Variants in STK10 observed in about 807,000 individuals in gnomAD.
The protein encoded by STK10 is serine/threonine kinase 10, also known as serine/threonine-protein kinase 10.
STK10 carries 78 observed loss-of-function variants against 113.8 expected under a neutral mutation model. The ratio of observed to expected loss-of-function variants is 0.69; its 90% confidence interval spans 0.57 to 0.83. The LOEUF is 0.83. Among genes scored for constraint, STK10 ranks in the 40% least tolerant of loss-of-function variants. The pLI is 0.00. For synonymous variants in STK10, 465 were observed against 494.7 expected, an observed-to-expected ratio of 0.94 and a Z score of 0.80; for missense variants, 1,109 against 1,280.1, an observed-to-expected ratio of 0.87 and a Z score of 2.04.
chr5:172,050,432 T>TTATA lies in STK10; in HGVS notation c.2766+2493_2766+2496dup, dbSNP rs567866539. On this transcript the variant is annotated intron_variant, in intron 18 of 18. Coordinates refer to ENST00000176763, the MANE Select transcript of STK10 (RefSeq NM_005990.4). Reference sequence around the variant, plus strand: ...TCACAACTGGGCATGGTGGCATGTGTTATAGTTCCAGCTACTTGGGAGGCT... The same window carrying TTATA: ...TCACAACTGGGCATGGTGGCATGTGTTATATATAGTTCCAGCTACTTGGGAGGCT... 1.7e-3 allele frequency among the ~76,000 whole-genome samples: 266 copies of TTATA among 152,270 alleles called. 1 individual carries two copies. Among genetic ancestry groups the TTATA allele is most frequent in the African/African-American group, 6.2e-3 (256 of 41,556 alleles).
At chr5:172,097,729 A>G (rs1463261037) in intron 7 of STK10, among the ~76,000 whole-genome samples, 3 of 152,128 alleles carry the variant, frequency 2.0e-5, no homozygotes, top group Non-Finnish European at 4.4e-5. Flanking sequence ...ATTCTCGTAT[A>G]TGTCTTTGGG....
At chr5:172,170,045 T>C (rs966132347) in intron 1 of STK10, among the ~76,000 whole-genome samples, 2 of 152,148 alleles carry the variant, frequency 1.3e-5, no homozygotes, top group African/African-American at 4.8e-5. Context: ...TTTTTGTTTT[T>C]GAAAGCCTAA....
At position 172,049,784 on chromosome 5, in the gene STK10, G is replaced by A. The variant is rs142120334; in HGVS notation, c.2766+3145C>T. On this transcript the variant is annotated intron_variant, in intron 18 of 18. Coordinates refer to ENST00000176763, the MANE Select transcript of STK10 (RefSeq NM_005990.4). ...AACTGAATGGGTATTCTTCACCACC[G>A]TGCACTCACATGTGTTTATTTTTAT... Among the ~76,000 whole-genome samples, 468 of 152,210 alleles carry A rather than the reference G, an allele frequency of 3.1e-3. 2 individuals are homozygous for A. The highest frequency in any genetic ancestry group is 0.011 in the African/African-American group (438 of 41,554).
chr5:172,073,441 C>T lies in STK10; in HGVS notation c.1990-8629G>A, dbSNP rs899244803. On this transcript the variant is annotated intron_variant, in intron 12 of 18. Coordinates refer to ENST00000176763, the MANE Select transcript of STK10 (RefSeq NM_005990.4). ...TGCTGGGATTACAGGTATGAGTCAC[C>T]GCACCCAACCTAATTTTTAATTTTT... Among the ~76,000 whole-genome samples, 22 of 151,812 alleles carry T rather than the reference C, an allele frequency of 1.4e-4. 1 individual carries two copies. In the East Asian group the frequency reaches 2.5e-3, roughly 17 times the overall value.
intron 1 of STK10, among the ~76,000 whole-genome samples, chr5:172,167,122 T>C (rs1016861835): frequency 6.8e-6 from 1 of 147,638 alleles, no homozygotes. Context: ...ATCGTGCCAC[T>C]GCACTCCAGC....
At chr5:172,121,668 TG>T (rs766659943) in intron 3 of STK10, among the ~76,000 whole-genome samples, 19 of 152,002 alleles carry the variant, frequency 1.2e-4, no homozygotes, top group Non-Finnish European at 1.9e-4. Flanking sequence ...TAGCCGGGTG[TG>T]GTTGCACTCC....
At chr5:172,099,767 C>T (rs867187128) in intron 7 of STK10, among the ~76,000 whole-genome samples, 1 of 152,252 alleles carries the variant, frequency 6.6e-6, no homozygotes, top group Non-Finnish European at 1.5e-5. Flanking sequence ...GGACGCTTCA[C>T]TGCAGTGGCT....
intron 12 of STK10, among the ~76,000 whole-genome samples, chr5:172,079,731 T>C (rs1768390630): frequency 6.6e-6 from 1 of 152,032 alleles, no homozygotes; most frequent in Non-Finnish European, 1.5e-5. Flanking sequence ...GACTAATTTT[T>C]TTGTGTTTTT....
chr5:172,070,811 T>C (rs967967681), intron 12 of STK10, among the ~76,000 whole-genome samples: 1 of 152,170 alleles, frequency 6.6e-6, no homozygotes, highest in Non-Finnish European at 1.5e-5. Flanking sequence ...AACATCACTA[T>C]AGATGCTACA....
At chr5:172,077,058 C>G (rs1768325531) in intron 12 of STK10, among the ~76,000 whole-genome samples, 1 of 152,174 alleles carries the variant, frequency 6.6e-6, no homozygotes, top group South Asian at 2.1e-4. Flanking sequence ...ATCAGTATCC[C>G]CCGAGGACAT....
At chr5:172,100,900 T>G (rs1561807457) in intron 7 of STK10, among the ~76,000 whole-genome samples, 1 of 152,216 alleles carries the variant, frequency 6.6e-6, no homozygotes, top group Non-Finnish European at 1.5e-5. Flanking sequence ...CTCTCTTTCA[T>G]TCATTCGGAG....
chr5:172,149,974 G>A (rs1470871253), intron 2 of STK10, among the ~76,000 whole-genome samples: 1 of 147,974 alleles, frequency 6.8e-6, no homozygotes, highest in Non-Finnish European at 1.5e-5. Flanking sequence ...TTGAACCCAG[G>A]AGGCAGAGGT....
intron 2 of STK10, among the ~76,000 whole-genome samples, chr5:172,130,636 T>C (rs1769734235): frequency 6.6e-6 from 1 of 152,094 alleles, no homozygotes; most frequent in Non-Finnish European, 1.5e-5. Flanking sequence ...GAGGAAAAGA[T>C]TGTAAACCTG....
In STK10 at chr5:172,188,069, G is replaced by C; in HGVS notation, c.-27C>G. On this transcript the variant is annotated 5_prime_UTR_variant, in exon 1 of 19. Coordinates refer to ENST00000176763, the MANE Select transcript of STK10 (RefSeq NM_005990.4). The surrounding 1 kb of genome is among the most constrained non-coding windows in gnomAD (Gnocchi z 5.6). The stretch of plus-strand genomic sequence containing the variant: ...GCCGGGGGCGCGGTGGCGCCGGCTC[G>C]GGCTCGGGCTCGGGCTCGGGCTGTG... 1.3e-6 allele frequency: 2 copies of C among 1,585,686 alleles called. No individual in the cohort carries two copies. Among genetic ancestry groups the C allele is most frequent in the Non-Finnish European group, 1.7e-6 (2 of 1,163,506 alleles).
chr5:172,087,113 T>TGTGTGTGTGTGTGC (rs1255728234), intron 10 of STK10, among the ~76,000 whole-genome samples: 14 of 118,640 alleles, frequency 1.2e-4, no homozygotes, highest in Non-Finnish European at 1.8e-4. Flanking sequence ...CACCAGTGTG[T>TGTGTGTGTGTGTGC]GTGTGTGTGT....
chr5:172,167,206 G>A (rs769283754), intron 1 of STK10, among the ~76,000 whole-genome samples: 7 of 151,088 alleles, frequency 4.6e-5, no homozygotes, highest in Admixed American at 2.0e-4. Flanking sequence ...AAATGTACTA[G>A]GATCATGTTC....
At chr5:172,080,886 A>G (rs1431820592) in intron 12 of STK10, among the ~76,000 whole-genome samples, 4 of 152,264 alleles carry the variant, frequency 2.6e-5, no homozygotes, top group African/African-American at 9.6e-5. Flanking sequence ...TAGATGAAAC[A>G]GCTTTCTGTT....
intron 4 of STK10, among the ~76,000 whole-genome samples, chr5:172,117,086 T>C (rs1445522302): frequency 1.9e-4 from 28 of 151,070 alleles, no homozygotes; most frequent in East Asian, 1.6e-3. Context: ...CGAGACCAGC[T>C]TGGCCAACAT....
intron 10 of STK10, among the ~76,000 whole-genome samples, chr5:172,086,642 C>T (rs1768567793): frequency 6.6e-6 from 1 of 152,148 alleles, no homozygotes; most frequent in Non-Finnish European, 1.5e-5. Context: ...AGGTGTGACC[C>T]AATTCTCCAA....
Sources: allele counts gnomAD v4.1 joint callset (sites outside exome capture counted in the v4.1 genomes callset), GRCh38; gene constraint gnomAD v4.1.1; non-coding constraint Gnocchi (gnomAD v3.1); transcripts MANE v1.5; gene names NCBI Gene and HGNC (gene_info 2026-07-23, HGNC 2026-07-21).